DLG2: variants seen among roughly 807,000 people sequenced by gnomAD.
DLG2 encodes discs large MAGUK scaffold protein 2, also known as disks large homolog 2.
Under a neutral mutation model 132.5 loss-of-function variants are expected in DLG2, and 45 were observed. The ratio of observed to expected loss-of-function variants is 0.34; its 90% CI spans 0.27 to 0.44. The LOEUF (loss-of-function observed/expected upper bound fraction) is 0.44, where lower values mean the gene tolerates loss of function less well. Among genes scored for constraint, DLG2 ranks in the 20% least tolerant of loss-of-function variants. The pLI, the probability that DLG2 is intolerant of heterozygous loss-of-function variation, is 1.00. For missense variants in DLG2, 1,045 were observed against 1,196.9 expected (o/e 0.87, Z 1.87); for synonymous variants, 424 against 419.6 (o/e 1.01, Z -0.13).
intron 16 of DLG2, among the ~76,000 whole-genome samples, chr11:83,872,193 G>C (rs1304882198): frequency 6.6e-6 from 1 of 152,186 alleles, no homozygotes; most frequent in South Asian, 2.1e-4. Flanking sequence ...AACCCAGAAG[G>C]TGGAGGTTGC....
chr11:85,083,512 G>A (rs1215733938), intron 6 of DLG2, among the ~76,000 whole-genome samples: 4 of 152,138 alleles, frequency 2.6e-5, no homozygotes, highest in Non-Finnish European at 4.4e-5. Flanking sequence ...TGCCCAAGGT[G>A]GTCAGGCTCC....
chr11:84,814,884 C>T (rs2076939243), intron 6 of DLG2, among the ~76,000 whole-genome samples: 1 of 152,036 alleles, frequency 6.6e-6, no homozygotes, highest in Non-Finnish European at 1.5e-5. Flanking sequence ...AGTAAAAGGT[C>T]TGCTTTATTT....
chr11:83,509,526 C>G (rs1309697015), intron 21 of DLG2, among the ~76,000 whole-genome samples: 1 of 152,140 alleles, frequency 6.6e-6, no homozygotes, highest in East Asian at 1.9e-4. Flanking sequence ...TCCTTTTTGA[C>G]TACTCATGGT....
intron 7 of DLG2, chr11:84,316,772 T>C: frequency 6.6e-7 from 1 of 1,517,012 alleles, no homozygotes; most frequent in South Asian, 1.3e-5. Flanking sequence ...CTTAAACAAC[T>C]TGCTCTCACT....
intron 21 of DLG2, among the ~76,000 whole-genome samples, chr11:83,528,960 T>C (rs2095672060): frequency 6.6e-6 from 1 of 152,172 alleles, no homozygotes; most frequent in African/African-American, 2.4e-5. Context: ...TCTCTGGTTA[T>C]TCCTGCAACC....
chr11:83,673,609 T>C (rs767174000), intron 18 of DLG2, among the ~76,000 whole-genome samples: 1 of 152,212 alleles, frequency 6.6e-6, no homozygotes, highest in Non-Finnish European at 1.5e-5. Context: ...TTGGGTTTGC[T>C]ACTGGCCCTT....
At chr11:83,726,562 A>T (rs1350845510) in intron 18 of DLG2, among the ~76,000 whole-genome samples, 2 of 152,190 alleles carry the variant, frequency 1.3e-5, no homozygotes, top group African/African-American at 4.8e-5. Context: ...TCACTGAGCC[A>T]GGCAGGAAGG....
chr11:85,347,967 C>CTTTTTT (rs35083224), intron 3 of DLG2, among the ~76,000 whole-genome samples: 1 of 40,398 alleles, frequency 2.5e-5, no homozygotes, highest in African/African-American at 1.0e-4. Flanking sequence ...CCACACTTAA[C>CTTTTTT]TTTTTTTTTT....
At chr11:85,068,075 GA>G (rs1318780686) in intron 6 of DLG2, among the ~76,000 whole-genome samples, 3 of 152,086 alleles carry the variant, frequency 2.0e-5, no homozygotes, top group Non-Finnish European at 4.4e-5. Context: ...AATAGATGCA[GA>G]AAAGGCCTTT....
intron 15 of DLG2, among the ~76,000 whole-genome samples, chr11:83,895,745 C>T (rs1222983471): frequency 6.6e-6 from 1 of 152,178 alleles, no homozygotes; most frequent in Non-Finnish European, 1.5e-5. Context: ...TTTGCAAGCT[C>T]TCAGCTTTGT....
intron 9 of DLG2, among the ~76,000 whole-genome samples, chr11:84,154,156 C>T (rs2095371486): frequency 6.6e-6 from 1 of 152,062 alleles, no homozygotes; most frequent in African/African-American, 2.4e-5. Flanking sequence ...CGCCAACATG[C>T]CCAGCTAATT....
At chr11:85,054,365 AAAC>A (rs1342574056) in intron 6 of DLG2, among the ~76,000 whole-genome samples, 3 of 152,216 alleles carry the variant, frequency 2.0e-5, no homozygotes, top group African/African-American at 7.2e-5. Context: ...AAAAGTCAAA[AAAC>A]AACAGACACT....
At chr11:84,703,578 C>G (rs2059426177) in intron 6 of DLG2, among the ~76,000 whole-genome samples, 2 of 151,318 alleles carry the variant, frequency 1.3e-5, no homozygotes, top group African/African-American at 4.8e-5. Flanking sequence ...CAAAATGCCC[C>G]ACACTAAACT....
At chr11:85,616,861 A>G (rs1233964162) in intron 2 of DLG2, among the ~76,000 whole-genome samples, 1 of 152,194 alleles carries the variant, frequency 6.6e-6, no homozygotes, top group African/African-American at 2.4e-5. Context: ...ATTCTAGAAA[A>G]AGGTAAAAGT....
intron 14 of DLG2, among the ~76,000 whole-genome samples, chr11:83,933,726 A>G (rs1435755808): frequency 6.6e-6 from 1 of 152,170 alleles, no homozygotes; most frequent in Non-Finnish European, 1.5e-5. Context: ...CACTTGCACT[A>G]TCAAATTCAG....
At chr11:83,536,544 T>G (rs2095880135) in intron 20 of DLG2, among the ~76,000 whole-genome samples, 1 of 149,560 alleles carries the variant, frequency 6.7e-6, no homozygotes, top group Admixed American at 6.7e-5. Context: ...GTCTGGAAAA[T>G]AGGGGTCTAA....
chr11:84,507,741 T>A (rs991772799), intron 7 of DLG2, among the ~76,000 whole-genome samples: 8 of 152,250 alleles, frequency 5.3e-5, no homozygotes, highest in African/African-American at 1.9e-4. Context: ...ATAAGCTTTT[T>A]GCATTTAATT....
intron 7 of DLG2, among the ~76,000 whole-genome samples, chr11:84,488,846 T>C (rs1477837845): frequency 6.6e-6 from 1 of 152,170 alleles, no homozygotes; most frequent in Non-Finnish European, 1.5e-5. Context: ...TACACCTAAA[T>C]AAATGTTAAA....
At chr11:85,427,838 G>A (rs1237435246) in intron 3 of DLG2, among the ~76,000 whole-genome samples, 1 of 152,164 alleles carries the variant, frequency 6.6e-6, no homozygotes, top group Non-Finnish European at 1.5e-5. Flanking sequence ...TGGCAAATTG[G>A]ATAAAGAGTC....
Sources: allele counts gnomAD v4.1 joint callset (sites outside exome capture counted in the v4.1 genomes callset), GRCh38; gene constraint gnomAD v4.1.1; transcripts MANE v1.5; gene names NCBI Gene and HGNC (gene_info 2026-07-23, HGNC 2026-07-21).